NAT8L: variants seen among roughly 807,000 people sequenced by gnomAD.
NAT8L encodes the protein aspartate N-acetyltransferase, also known as N-acetylaspartate synthetase.
A neutral mutation model predicts 21.2 loss-of-function variants in NAT8L; 6 were observed. That is an observed-to-expected ratio of 0.28 (90% CI 0.16 to 0.56). The LOEUF (loss-of-function observed/expected upper bound fraction) is 0.56. Ranked by LOEUF, NAT8L falls within the 20% of genes least tolerant of loss-of-function variation. NAT8L has a pLI of 0.93. For synonymous variants in NAT8L, 239 were observed against 204.9 expected (o/e 1.17, Z -1.42); for missense variants, 331 against 433.3 (o/e 0.76, Z 2.10).
At position 2,061,149 on chromosome 4, in the gene NAT8L, C is replaced by T; in HGVS notation, c.528C>T (p.Tyr176=). Residue 176 remains tyrosine, a synonymous_variant, in exon 2 of 3, where the codon TAC becomes TAT. Transcript: ENST00000423729. ...ACATGGCGGACATCGAGCAGTACTA[C>T]ATGAAGCCGCCCGGTGAGTCCCGCT... ...HTDMADIEQY[Y]MKPPGSCFWV... 1.2e-6 allele frequency: 2 copies of T among 1,610,966 alleles called. No individual in the cohort carries two copies. Among genetic ancestry groups the T allele is most frequent in the Non-Finnish European group, 1.7e-6 (2 of 1,178,968 alleles).
chr4:2,061,778 C>T (rs1016555694), intron 2 of NAT8L, among the ~76,000 whole-genome samples: 5 of 152,144 alleles, frequency 3.3e-5, no homozygotes, highest in Non-Finnish European at 5.9e-5. Context: ...TCCCCCATGC[C>T]GGATGCCGCA....
In NAT8L at chr4:2,064,411, T is replaced by C; in HGVS notation, c.*284T>C. 5.7e-6 allele frequency: 1 copy of C among 175,448 alleles called. No individual in the cohort carries two copies. Among genetic ancestry groups the C allele is most frequent in the South Asian group, 1.9e-4 (1 of 5,366 alleles). The allele number at this position is 175,448 out of a possible 1,614,324, so 10.9% of individuals were successfully genotyped here. On this transcript the variant is annotated 3_prime_UTR_variant, in exon 3 of 3. Coordinates refer to ENST00000423729, the MANE Select transcript of NAT8L (RefSeq NM_178557.4). ...GTGGCATCTTGGACCACCGCGGCTG[T>C]CCATGACGCTGCCCTGCCCGCCGCC...
In NAT8L at chr4:2,061,180, C is replaced by T. The variant is rs377569368; in HGVS notation, c.541+18C>T. On this transcript the variant is annotated intron_variant, in intron 2 of 2. Transcript: ENST00000423729. Reference sequence around the variant, plus strand: ...GCCGCCCGGTGAGTCCCGCTCCCGCCGCTCCCCGACCTCCGCCCCAGACAG... The same window carrying T: ...GCCGCCCGGTGAGTCCCGCTCCCGCTGCTCCCCGACCTCCGCCCCAGACAG... 11 of 1,610,114 alleles carry T rather than the reference C, an allele frequency of 6.8e-6. No individual in the cohort carries two copies. In the African/African-American group the frequency reaches 9.4e-5, roughly 14 times the overall value.
At position 2,064,168 on chromosome 4, in the gene NAT8L, CG is replaced by C; in HGVS notation, c.*42del. On this transcript the variant is annotated 3_prime_UTR_variant, in exon 3 of 3. Coordinates refer to ENST00000423729, the MANE Select transcript of NAT8L (RefSeq NM_178557.4). ...CGCCCGCCCCCCCGGCCGCCCTGTC[CG>C]CCTTTGCCCGCCTGCCCGCCGCCCG... is the stretch of plus-strand genomic sequence containing the variant. The C allele has an allele frequency of 7.9e-7, 1 of 1,258,580 alleles. No individual in the cohort carries two copies. Among genetic ancestry groups the C allele is most frequent in the Non-Finnish European group, 1.0e-6 (1 of 998,956 alleles). The allele number at this position is 1,258,580 out of a possible 1,614,324, so 78.0% of individuals were successfully genotyped here. A position where few individuals can be genotyped will look rare whatever the true frequency, so the allele number is the denominator to read the frequency against.
Position 2,064,133 on chromosome 4 carries a change from GC to G in NAT8L, c.*8del. ...TGCAGCTGCGCGAGGAGTGACCGCC[GC>G]CGCTCGCCCGCCCGCCCCCCCGGCC... On this transcript the variant is annotated 3_prime_UTR_variant, in exon 3 of 3. Transcript: ENST00000423729. 1 of 1,543,848 alleles carries G rather than the reference GC, an allele frequency of 6.5e-7. No homozygotes were observed.
At chr4:2,062,257 G>A (rs942974447) in intron 2 of NAT8L, among the ~76,000 whole-genome samples, 2 of 152,166 alleles carry the variant, frequency 1.3e-5, no homozygotes, top group Admixed American at 1.3e-4. Context: ...GATTCTGGGA[G>A]CTGCTTGTGC....
Position 2,061,170 on chromosome 4 carries a change from C to A in NAT8L, c.541+8C>A. 6.2e-7 allele frequency: 1 copy of A among 1,601,186 alleles called. No homozygotes were observed. Among genetic ancestry groups the A allele is most frequent in the Non-Finnish European group, 8.5e-7 (1 of 1,174,134 alleles). ...ACTACATGAAGCCGCCCGGTGAGTC[C>A]CGCTCCCGCCGCTCCCCGACCTCCG... On this transcript the variant is annotated splice_region_variant and intron_variant, in intron 2 of 2. Coordinates refer to ENST00000423729, the MANE Select transcript of NAT8L (RefSeq NM_178557.4).
intron 2 of NAT8L, 150 bp from the exon 3 acceptor site, chr4:2,063,608 GGC>G: frequency 1.4e-6 from 2 of 1,402,548 alleles, no homozygotes; most frequent in Non-Finnish European, 2.0e-6. Context: ...CTGGTAGCTA[GGC>G]CCCGGGGGCT....
rs1023023765 is a variant in NAT8L, at chr4:2,059,940, C to T, written c.376+53C>T. 4.8e-6 allele frequency: 5 copies of T among 1,051,762 alleles called. No homozygotes were observed. Among genetic ancestry groups the T allele is most frequent in the Admixed American group, 4.9e-5 (1 of 20,278 alleles). 65.2% of individuals were successfully genotyped at this position (1,051,762 alleles called of 1,614,324 possible). On this transcript the variant is annotated intron_variant, in intron 1 of 2. Transcript: ENST00000423729. This position sits in a 1 kb window ranked among gnomAD's most constrained non-coding sequence, Gnocchi z 4.8. ...CAGTCCCTCGGGCCGGCGCGGAGCTCCCCCGCCCCGGCGTCCACGCGGACC... is the reference window on the plus strand; with the variant it reads ...CAGTCCCTCGGGCCGGCGCGGAGCTTCCCCGCCCCGGCGTCCACGCGGACC...
Position 2,059,877 on chromosome 4 carries a change from C to A in NAT8L, c.366C>A (p.Ala122=). 2 of 1,340,732 alleles carry A rather than the reference C, an allele frequency of 1.5e-6. No individual in the cohort carries two copies. Among genetic ancestry groups the A allele is most frequent in the Non-Finnish European group, 1.9e-6 (2 of 1,033,748 alleles). 83.1% of individuals were successfully genotyped at this position (1,340,732 alleles called of 1,614,324 possible). A position where few individuals can be genotyped will look rare whatever the true frequency, so the allele number is the denominator to read the frequency against. ...RQHPRAQLLY[A]LLAALCFAVS... ...ACCCGCGCGCGCAGCTGCTCTACGC[C>A]CTGCTGGCGGGTCAGTGCGCCGGGC... The change falls in exon 1 of 3, where the codon GCC becomes GCA. Residue 122 remains alanine, a synonymous_variant. Transcript: ENST00000423729. This position sits in a 1 kb window ranked among gnomAD's most constrained non-coding sequence, Gnocchi z 4.8.
In NAT8L at chr4:2,059,376, TGCC is replaced by T. The variant is rs903081255; in HGVS notation, c.-118_-116del. ...CCGCCTCCGCCCCGCGCCCCTGAGC[TGCC>T]GCCGCCGCCGCCGCCGCTGCCGCCG... is the stretch of plus-strand genomic sequence containing the variant. On this transcript the variant is annotated 5_prime_UTR_variant, in exon 1 of 3. Coordinates refer to ENST00000423729, the MANE Select transcript of NAT8L (RefSeq NM_178557.4). The surrounding 1 kb of genome is among the most constrained non-coding windows in gnomAD (Gnocchi z 4.8). 168 of 163,340 alleles carry T rather than the reference TGCC, an allele frequency of 1.0e-3. No individual in the cohort carries two copies. The highest frequency in any genetic ancestry group is 1.7e-3 in the Non-Finnish European group (140 of 84,058). 10.1% of individuals were successfully genotyped at this position (163,340 alleles called of 1,614,324 possible).
chr4:2,061,027 C>T lies in NAT8L; in HGVS notation c.406C>T (p.Leu136=). ...ALCFAVSRSL[L]LTCLVPAALL... ...GTGCTTCGCCGTGAGCCGCTCGCTGCTGCTGACGTGCCTGGTGCCGGCCGC... is the reference window on the plus strand; with the variant it reads ...GTGCTTCGCCGTGAGCCGCTCGCTGTTGCTGACGTGCCTGGTGCCGGCCGC... The change falls in exon 2 of 3, where the codon CTG becomes TTG. Residue 136 remains leucine, a synonymous_variant. Coordinates refer to ENST00000423729, the MANE Select transcript of NAT8L (RefSeq NM_178557.4). The T allele has an allele frequency of 3.2e-6, 5 of 1,575,746 alleles. No homozygotes were observed. Among genetic ancestry groups the T allele is most frequent in the Non-Finnish European group, 4.3e-6 (5 of 1,162,004 alleles).
intron 2 of NAT8L, among the ~76,000 whole-genome samples, chr4:2,062,858 A>ACCT (rs1729920022): frequency 6.6e-6 from 1 of 152,112 alleles, no homozygotes; most frequent in Non-Finnish European, 1.5e-5. Flanking sequence ...CACTGGCCAA[A>ACCT]CCCTTGGTCT....
Position 2,059,832 on chromosome 4 carries a change from CT to C in NAT8L, c.323del (p.Phe108SerfsTer24). On this transcript the variant is annotated frameshift_variant, in exon 1 of 3. Transcript: ENST00000423729. LOFTEE classifies it high-confidence loss of function. The surrounding 1 kb of genome is among the most constrained non-coding windows in gnomAD (Gnocchi z 4.8). ...TCATGGAGCGCATCCCTAACACGGC[CT>C]TCCGCGGCCTGCGGCAGCACCCGCG... ...GIMERIPNTAFRGLRQHPRAQ... is the reference protein window; with the variant it reads ...GIMERIPNTAXRGLRQHPRAQ... The C allele has an allele frequency of 7.2e-7, 1 of 1,390,090 alleles. No homozygotes were observed. Among genetic ancestry groups the C allele is most frequent in the East Asian group, 3.5e-5 (1 of 28,342 alleles). The allele number at this position is 1,390,090 out of a possible 1,614,324, so 86.1% of individuals were successfully genotyped here.
intron 2 of NAT8L, 56 bp from the exon 3 acceptor site, chr4:2,063,704 G>A: frequency 1.2e-6 from 2 of 1,602,234 alleles, no homozygotes; most frequent in Non-Finnish European, 1.7e-6. Flanking sequence ...CCCAGAGGTG[G>A]AGGGGTCTCC....
Position 2,069,069 on chromosome 4 carries a change from A to G in NAT8L, c.*4942A>G, listed in dbSNP as rs1201708731. 1 of 152,144 alleles carries G rather than the reference A, an allele frequency of 6.6e-6. No homozygotes were observed. The highest frequency in any genetic ancestry group is 2.4e-5 in the African/African-American group (1 of 41,400). 9.4% of individuals were successfully genotyped at this position (152,144 alleles called of 1,614,324 possible). A position where few individuals can be genotyped will look rare whatever the true frequency, so the allele number is the denominator to read the frequency against. On this transcript the variant is annotated 3_prime_UTR_variant, in exon 3 of 3. Transcript: ENST00000423729. ...TGGCCCCCAATGCTGCTGTTTTTCA[A>G]TAAAACCAGAGTTGAAGGCACCTGG...
chr4:2,063,752 C>T lies in NAT8L; in HGVS notation c.542-8C>T, dbSNP rs747850822. 37 of 1,610,640 alleles carry T rather than the reference C, an allele frequency of 2.3e-5. No homozygotes were observed. Among genetic ancestry groups the T allele is most frequent in the Non-Finnish European group, 3.1e-5 (37 of 1,179,828 alleles). ...ACCGGGTGTCCCTGACCGCCCTATC[C>T]CCTGCAGGCTCCTGCTTCTGGGTGG... is the stretch of plus-strand genomic sequence containing the variant. On this transcript the variant is annotated splice_region_variant and splice_polypyrimidine_tract_variant and intron_variant, in intron 2 of 2. Coordinates refer to ENST00000423729, the MANE Select transcript of NAT8L (RefSeq NM_178557.4).
Position 2,060,923 on chromosome 4 carries a change from C to T in NAT8L, c.377-75C>T, listed in dbSNP as rs1729843558. The T allele has an allele frequency of 2.6e-6, 2 of 766,022 alleles. No individual in the cohort carries two copies. Among genetic ancestry groups the T allele is most frequent in the Non-Finnish European group, 2.0e-6 (1 of 506,602 alleles). 47.5% of individuals were successfully genotyped at this position (766,022 alleles called of 1,614,324 possible). On this transcript the variant is annotated intron_variant, in intron 1 of 2. Coordinates refer to ENST00000423729, the MANE Select transcript of NAT8L (RefSeq NM_178557.4). This position sits in a 1 kb window ranked among gnomAD's most constrained non-coding sequence, Gnocchi z 4.7. ...GCGCGGCCGGGCGCGGCGTCCCTAG[C>T]GGGCTTCGCCGGGGTGGCGTCTCTG...
chr4:2,062,847 C>T (rs1290721925), intron 2 of NAT8L, among the ~76,000 whole-genome samples: 1 of 152,150 alleles, frequency 6.6e-6, no homozygotes, highest in Non-Finnish European at 1.5e-5. Context: ...GTGTGGCCCT[C>T]CACTGGCCAA....
Sources: gnomAD v4.1 joint callset for allele counts (sites outside exome capture counted in the v4.1 genomes callset) on GRCh38, gnomAD v4.1.1 for gene constraint, Gnocchi (gnomAD v3.1) non-coding constraint, MANE v1.5 for transcripts, NCBI Gene and HGNC (gene_info 2026-07-23, HGNC 2026-07-21) for gene names.